The following EEA1 variants were observed in gnomAD, a reference collection of about 807,000 sequenced individuals.
The protein encoded by EEA1 is early endosome antigen 1.
EEA1 carries 111 observed loss-of-function variants against 209.2 expected under a neutral mutation model. That is an observed-to-expected ratio of 0.53 (90% CI 0.45 to 0.62). The LOEUF is 0.62. Among genes scored for constraint, EEA1 ranks in the 20% least tolerant of loss-of-function variants. The pLI, the probability that EEA1 is intolerant of heterozygous loss-of-function variation, is 0.00. For synonymous variants in EEA1, 536 were observed against 540.6 expected (o/e 0.99, Z 0.12); for missense variants, 1,343 against 1,530.8 (o/e 0.88, Z 2.05).
chr12:92,888,433 C>T (rs1879504433), intron 2 of EEA1, among the ~76,000 whole-genome samples: 1 of 151,770 alleles, frequency 6.6e-6, no homozygotes, highest in African/African-American at 2.4e-5. Flanking sequence ...AAAAATTAGC[C>T]GGGTGTGGTG....
chr12:92,831,367 A>T (rs1876619697), intron 11 of EEA1, among the ~76,000 whole-genome samples: 2 of 151,238 alleles, frequency 1.3e-5, no homozygotes, highest in South Asian at 4.2e-4. Context: ...TCTGATAGCC[A>T]CTATATTATT....
intron 20 of EEA1, among the ~76,000 whole-genome samples, chr12:92,799,547 G>A (rs186460888): frequency 3.9e-5 from 6 of 152,290 alleles, no homozygotes; most frequent in Admixed American, 3.9e-4. Flanking sequence ...AGCACTTTGG[G>A]AGGCTGAGGC....
chr12:92,928,829 G>A (rs897728803), intron 1 of EEA1, among the ~76,000 whole-genome samples: 11 of 150,828 alleles, frequency 7.3e-5, no homozygotes, highest in African/African-American at 2.7e-4. Flanking sequence ...AGGCCTGGAC[G>A]CGCGGGGCCA....
chr12:92,772,290 T>G lies in EEA1; in HGVS notation c.*3721A>C, dbSNP rs1873463955. ...TATATTTGTTTTTAGTTTTGTTAAT[T>G]CTCTACAATATTAAATGGAATGTCT... On this transcript the variant is annotated 3_prime_UTR_variant, in exon 29 of 29. Transcript: ENST00000322349. 6.6e-6 allele frequency: 1 copy of G among 151,956 alleles called. No individual in the cohort carries two copies. Among genetic ancestry groups the G allele is most frequent in the Non-Finnish European group, 1.5e-5 (1 of 67,852 alleles). 9.4% of individuals were successfully genotyped at this position (151,956 alleles called of 1,614,324 possible).
At chr12:92,863,084 G>A (rs1028653898) in intron 3 of EEA1, among the ~76,000 whole-genome samples, 2 of 152,202 alleles carry the variant, frequency 1.3e-5, no homozygotes, top group African/African-American at 4.8e-5. Context: ...CAGAGAAAGA[G>A]CAGCATACAA....
At chr12:92,825,459 CAA>C (rs112372498) in intron 13 of EEA1, among the ~76,000 whole-genome samples, 9 of 123,932 alleles carry the variant, frequency 7.3e-5, no homozygotes, top group Non-Finnish European at 3.4e-5. Context: ...CACTCCGTCT[CAA>C]AAAAAAAAAA....
intron 5 of EEA1, among the ~76,000 whole-genome samples, chr12:92,854,371 G>T (rs1456950510): frequency 6.6e-6 from 1 of 152,112 alleles, no homozygotes; most frequent in African/African-American, 2.4e-5. Context: ...TTTGCTACAT[G>T]GATGCTACAT....
chr12:92,899,953 T>G (rs547615609), intron 1 of EEA1, among the ~76,000 whole-genome samples: 44 of 152,300 alleles, frequency 2.9e-4, no homozygotes, highest in African/African-American at 8.7e-4. Flanking sequence ...GAACTTCCAT[T>G]CTCCCTTGGG....
At chr12:92,792,133 G>A (rs7976159) in intron 21 of EEA1, among the ~76,000 whole-genome samples, 93,267 of 151,902 alleles carry the variant, frequency 0.61, 29,425 homozygotes, top group East Asian at 0.94. Flanking sequence ...AGTGTGTAGA[G>A]GGAAATTTAT....
intron 2 of EEA1, among the ~76,000 whole-genome samples, chr12:92,869,196 T>C (rs368894520): frequency 1.3e-5 from 2 of 152,152 alleles, no homozygotes; most frequent in African/African-American, 4.8e-5. Flanking sequence ...GGTTGCTAGA[T>C]AGATAAATTC....
At chr12:92,792,571 A>C (rs1392412358) in intron 21 of EEA1, among the ~76,000 whole-genome samples, 1 of 152,204 alleles carries the variant, frequency 6.6e-6, no homozygotes, top group Non-Finnish European at 1.5e-5. Flanking sequence ...CCCTCCCAAG[A>C]CTAAACCAGG....
chr12:92,924,336 T>C (rs1881129102), intron 1 of EEA1, among the ~76,000 whole-genome samples: 1 of 149,368 alleles, frequency 6.7e-6, no homozygotes, highest in South Asian at 2.2e-4. Context: ...GCTTCCCTAA[T>C]AGCTGGGATT....
At chr12:92,783,370 G>A (rs1345729850) in intron 22 of EEA1, among the ~76,000 whole-genome samples, 1 of 152,100 alleles carries the variant, frequency 6.6e-6, no homozygotes, top group African/African-American at 2.4e-5. Context: ...TGATTGTTGT[G>A]GTGTGAGAGT....
At chr12:92,923,947 A>G (rs1416724369) in intron 1 of EEA1, among the ~76,000 whole-genome samples, 1 of 151,798 alleles carries the variant, frequency 6.6e-6, no homozygotes, top group Non-Finnish European at 1.5e-5. Context: ...ACACTGAAAC[A>G]CCATTTTAAA....
At chr12:92,893,314 C>G (rs902291685) in intron 1 of EEA1, among the ~76,000 whole-genome samples, 1 of 152,080 alleles carries the variant, frequency 6.6e-6, no homozygotes, top group Admixed American at 6.5e-5. Flanking sequence ...ATGAGGGAAC[C>G]AAGGCATAGA....
intron 3 of EEA1, chr12:92,858,911 G>T (rs1878006821): frequency 1.4e-6 from 1 of 707,210 alleles, no homozygotes. Flanking sequence ...CAGAGGTTGG[G>T]GTGTTCATGG....
At chr12:92,899,349 G>C (rs557272671) in intron 1 of EEA1, among the ~76,000 whole-genome samples, 2 of 152,214 alleles carry the variant, frequency 1.3e-5, no homozygotes, top group Non-Finnish European at 2.9e-5. Flanking sequence ...ACTTCAATTT[G>C]CTACAGGCTT....
rs1592712031 is a variant in EEA1, at chr12:92,806,466, T to C, written c.2339+2551A>G. Among the ~76,000 whole-genome samples, 4 of 152,208 alleles carry C rather than the reference T, an allele frequency of 2.6e-5. No homozygotes were observed. The East Asian group carries it at 5.8e-4, about 22-fold the overall frequency. On this transcript the variant is annotated intron_variant, in intron 18 of 28. Transcript: ENST00000322349. ...AAATCAGGAAATTAGAATAGCTCTATGTCTATTAAATGAATTGAACCCCAA... is the reference window on the plus strand; with the variant it reads ...AAATCAGGAAATTAGAATAGCTCTACGTCTATTAAATGAATTGAACCCCAA...
At chr12:92,806,190 A>G (rs1346774934) in intron 18 of EEA1, among the ~76,000 whole-genome samples, 1 of 152,186 alleles carries the variant, frequency 6.6e-6, no homozygotes, top group Non-Finnish European at 1.5e-5. Flanking sequence ...AGGAGAAATA[A>G]ATAAGATAGA....
Sources: gnomAD v4.1 joint callset for allele counts (sites outside exome capture counted in the v4.1 genomes callset) on GRCh38, gnomAD v4.1.1 for gene constraint, MANE v1.5 for transcripts, NCBI Gene and HGNC (gene_info 2026-07-23, HGNC 2026-07-21) for gene names.